The following SCGB2B2 variants were observed in gnomAD, a reference collection of about 807,000 sequenced individuals.
SCGB2B2 encodes secretoglobin family 2B member 2.
A neutral mutation model predicts 7.6 loss-of-function variants in SCGB2B2; 11 were observed. The observed-to-expected ratio is 1.45, with a 90% CI of 0.91 to 2.40. The LOEUF (loss-of-function observed/expected upper bound fraction) is 2.40. Ranked by LOEUF, SCGB2B2 falls within the 30% of genes most tolerant of loss-of-function variation. The pLI, the probability that SCGB2B2 is intolerant of heterozygous loss-of-function variation, is 0.00. For synonymous variants in SCGB2B2, 50 were observed against 48.6 expected, an observed-to-expected ratio of 1.03 and a Z score of -0.12; for missense variants, 104 against 115.4, an observed-to-expected ratio of 0.90 and a Z score of 0.45.
intron 1 of SCGB2B2, among the ~76,000 whole-genome samples, chr19:34,614,770 C>G (rs1295937397): frequency 3.3e-5 from 5 of 152,196 alleles, no homozygotes; most frequent in Admixed American, 2.0e-4. Context: ...TAAAGTAAGA[C>G]TTTCCCCTCC....
At position 34,632,443 on chromosome 19, in the gene SCGB2B2, G is replaced by T. The variant is rs540504814; in HGVS notation, c.-2031-35849C>A. On this transcript the variant is annotated intron_variant, in intron 1 of 3. Coordinates refer to ENST00000601241, the MANE Select transcript of SCGB2B2 (RefSeq NM_001025591.4). ...AAGAAAAGAGTTTAAATGGGCAAAA[G>T]ATTTGAACACTTAAAAGTCCAAAGA... Among the ~76,000 whole-genome samples, 5 of 152,282 alleles carry T rather than the reference G, an allele frequency of 3.3e-5. No individual in the cohort carries two copies. In the South Asian group the frequency reaches 1.0e-3, roughly 32 times the overall value.
chr19:34,586,165 C>T (rs551682249), downstream of SCGB2B2, among the ~76,000 whole-genome samples: 25 of 152,226 alleles, frequency 1.6e-4, no homozygotes, highest in African/African-American at 6.0e-4. Context: ...GTAAATGTCT[C>T]TTTTTAATGT....
chr19:34,635,140 T>C (rs1384726999), intron 1 of SCGB2B2: 2 of 293,418 alleles, frequency 6.8e-6, no homozygotes, highest in East Asian at 9.6e-5. Flanking sequence ...AATAAGGCCA[T>C]AGCTTTGTCT....
intron 1 of SCGB2B2, among the ~76,000 whole-genome samples, chr19:34,656,761 A>G (rs1432421144): frequency 1.3e-5 from 2 of 151,372 alleles, no homozygotes; most frequent in Non-Finnish European, 2.9e-5. Context: ...AACCAGAAAT[A>G]CTTTTAAAAT....
rs1205387459 is a variant in SCGB2B2, at chr19:34,638,452, A to C, written c.-2032+37178T>G. ...AGGAAGATCCTGTCTCCAAAACAAA[A>C]AAAAAAAGGAACACCCATCCCCCCC... On this transcript the variant is annotated intron_variant, in intron 1 of 3. Coordinates refer to ENST00000601241, the MANE Select transcript of SCGB2B2 (RefSeq NM_001025591.4). Among the ~76,000 whole-genome samples, 14 of 151,432 alleles carry C rather than the reference A, an allele frequency of 9.2e-5. No individual in the cohort carries two copies. The South Asian group carries it at 1.9e-3, about 20-fold the overall frequency.
At chr19:34,652,971 G>A (rs943332579) in intron 1 of SCGB2B2, among the ~76,000 whole-genome samples, 1 of 151,136 alleles carries the variant, frequency 6.6e-6, no homozygotes, top group Non-Finnish European at 1.5e-5. Flanking sequence ...CCATGAACAC[G>A]TGAACAGATG....
At chr19:34,639,677 A>C (rs1314756829) in intron 1 of SCGB2B2, among the ~76,000 whole-genome samples, 2 of 152,036 alleles carry the variant, frequency 1.3e-5, no homozygotes, top group Admixed American at 6.6e-5. Flanking sequence ...CTCAAACACC[A>C]CCAGGAGGCG....
At chr19:34,640,074 T>A (rs1032917554) in intron 1 of SCGB2B2, among the ~76,000 whole-genome samples, 34 of 152,254 alleles carry the variant, frequency 2.2e-4, no homozygotes, top group African/African-American at 7.9e-4. Context: ...AGGTAGATGA[T>A]AACCTATGCA....
At chr19:34,654,528 C>G (rs572867546) in intron 1 of SCGB2B2, among the ~76,000 whole-genome samples, 1 of 151,306 alleles carries the variant, frequency 6.6e-6, no homozygotes, top group South Asian at 2.1e-4. Flanking sequence ...AGCAATTATT[C>G]TGGCAGTCAC....
intron 1 of SCGB2B2, chr19:34,638,073 A>T (rs2066736964): frequency 6.6e-6 from 1 of 152,250 alleles, no homozygotes; most frequent in South Asian, 2.1e-4. Flanking sequence ...ATAACATAAG[A>T]TGTCATGGAC....
In SCGB2B2 at chr19:34,594,230, T is replaced by C. The variant is rs200768724; in HGVS notation, c.191A>G (p.Gln64Arg). ...CACGGAGACATTGGCAAAGCATTGC[T>C]GGACATTGAGGAAGGACTCCTCTGT... ...PLTEESFLNV[Q>R]QCFANVSVTE... Residue 64 changes from glutamine (Q) to arginine (R), a missense_variant, in exon 3 of 4, where the codon CAG (glutamine) becomes CGG (arginine). Transcript: ENST00000601241. The C allele has an allele frequency of 8.3e-5, 134 of 1,614,076 alleles. 1 individual carries two copies. Among genetic ancestry groups the C allele is most frequent in the Non-Finnish European group, 2.2e-5 (26 of 1,180,024 alleles).
At chr19:34,644,362 GTTTTTTTT>G (rs75799133) in intron 1 of SCGB2B2, among the ~76,000 whole-genome samples, 28 of 134,358 alleles carry the variant, frequency 2.1e-4, no homozygotes, top group African/African-American at 7.7e-4. Context: ...TTTTTTTTTT[GTTTTTTTT>G]TTTTTACTCT....
At chr19:34,604,612 T>C (rs11673656) in intron 1 of SCGB2B2, among the ~76,000 whole-genome samples, 48,179 of 152,208 alleles carry the variant, frequency 0.32, 8,474 homozygotes, top group Middle Eastern at 0.48. Context: ...TTACTTTCTA[T>C]AGATATGAAG....
intron 1 of SCGB2B2, among the ~76,000 whole-genome samples, chr19:34,615,572 T>C (rs943423323): frequency 2.0e-5 from 3 of 152,080 alleles, no homozygotes; most frequent in Non-Finnish European, 4.4e-5. Flanking sequence ...ATACTGTCTT[T>C]GGGGGTTAGA....
intron 1 of SCGB2B2, among the ~76,000 whole-genome samples, chr19:34,660,564 G>T (rs984444535): frequency 1.3e-5 from 2 of 152,168 alleles, no homozygotes; most frequent in Non-Finnish European, 2.9e-5. Flanking sequence ...TCAGAGAAAT[G>T]CAAATCAAAA....
intron 1 of SCGB2B2, among the ~76,000 whole-genome samples, chr19:34,629,884 A>G (rs1339526805): frequency 1.3e-5 from 2 of 152,004 alleles, no homozygotes; most frequent in African/African-American, 4.8e-5. Context: ...CTACATAACC[A>G]AAACAGCAAG....
In SCGB2B2 at chr19:34,594,657, G is replaced by A; in HGVS notation, c.-94C>T. 1 of 103,836 alleles carries A rather than the reference G, an allele frequency of 9.6e-6. No homozygotes were observed. The allele number at this position is 103,836 out of a possible 1,614,324, so 6.4% of individuals were successfully genotyped here. ...GAACAAGGCACATGCCTCTTCGTGT[G>A]TGTGTGTGTGTGTGTGTGTGTGTGT... On this transcript the variant is annotated 5_prime_UTR_variant, in exon 2 of 4. Coordinates refer to ENST00000601241, the MANE Select transcript of SCGB2B2 (RefSeq NM_001025591.4).
chr19:34,673,517 G>A (rs1438992102), intron 1 of SCGB2B2, among the ~76,000 whole-genome samples: 1 of 152,192 alleles, frequency 6.6e-6, no homozygotes, highest in Non-Finnish European at 1.5e-5. Flanking sequence ...CCATTAGTGA[G>A]CAGGAGGCCC....
At chr19:34,632,015 C>T (rs1057254745) in intron 1 of SCGB2B2, 5 of 152,080 alleles carry the variant, frequency 3.3e-5, no homozygotes, top group Admixed American at 1.3e-4. Flanking sequence ...CACTGAAGAT[C>T]GTGTTTTAAA....
Sources: gnomAD v4.1 joint callset for allele counts (sites outside exome capture counted in the v4.1 genomes callset) on GRCh38, gnomAD v4.1.1 for gene constraint, MANE v1.5 for transcripts, NCBI Gene and HGNC (gene_info 2026-07-23, HGNC 2026-07-21) for gene names.